Variants in RAB3GAP1 observed in about 807,000 individuals in gnomAD.
RAB3GAP1 encodes the protein rab3 GTPase-activating protein catalytic subunit.
A neutral mutation model predicts 130.7 loss-of-function variants in RAB3GAP1; 86 were observed. That is an observed-to-expected ratio of 0.66 (90% confidence interval 0.55 to 0.79). The LOEUF is 0.79. RAB3GAP1 is among the 30% of genes least tolerant of loss of function. The probability of loss-of-function intolerance (pLI) is 0.00; values close to 1 mark genes in which losing one functional copy is unlikely to be tolerated. For missense variants in RAB3GAP1, 1,029 were observed against 1,169.4 expected (o/e 0.88, Z 1.75); for synonymous variants, 367 against 401.7 (o/e 0.91, Z 1.03).
At chr2:135,128,173 G>A (rs999210639) in intron 11 of RAB3GAP1, among the ~76,000 whole-genome samples, 3 of 152,156 alleles carry the variant, frequency 2.0e-5, no homozygotes, top group Non-Finnish European at 4.4e-5. Context: ...ATATAATAGT[G>A]AATACAAAGA....
chr2:135,149,517 C>T (rs1348141060), intron 17 of RAB3GAP1, among the ~76,000 whole-genome samples: 3 of 152,150 alleles, frequency 2.0e-5, no homozygotes, highest in Non-Finnish European at 4.4e-5. Context: ...TACAATACTA[C>T]ATTACAGGTT....
At chr2:135,064,216 G>A (rs1689254728) in intron 3 of RAB3GAP1, among the ~76,000 whole-genome samples, 1 of 151,886 alleles carries the variant, frequency 6.6e-6, no homozygotes, top group Non-Finnish European at 1.5e-5. Context: ...TATTGATATT[G>A]GATAAATTTT....
chr2:135,118,831 A>G (rs1400590354), intron 7 of RAB3GAP1, among the ~76,000 whole-genome samples: 2 of 152,006 alleles, frequency 1.3e-5, no homozygotes, highest in African/African-American at 4.8e-5. Context: ...CCCTCACACA[A>G]TAACCTCCAG....
chr2:135,079,452 C>T (rs1689723183), intron 3 of RAB3GAP1, among the ~76,000 whole-genome samples: 1 of 152,180 alleles, frequency 6.6e-6, no homozygotes, highest in Non-Finnish European at 1.5e-5. Context: ...AATGGCTTTC[C>T]ATTGCCTACA....
At chr2:135,126,490 C>T (rs2104936532) in intron 10 of RAB3GAP1, 93 bp from the exon 11 acceptor site, 1 of 1,227,510 alleles carries the variant, frequency 8.1e-7, no homozygotes, top group Non-Finnish European at 1.2e-6. Flanking sequence ...ATTGCTTGTC[C>T]TTCTATGTTT....
intron 18 of RAB3GAP1, 57 bp downstream of exon 18, chr2:135,150,563 G>A (rs547867634): frequency 1.9e-6 from 3 of 1,606,762 alleles, no homozygotes; most frequent in East Asian, 2.2e-5. Flanking sequence ...GGATGAAACT[G>A]TGAAAATCAC....
At chr2:135,068,264 T>G (rs915996336) in intron 3 of RAB3GAP1, among the ~76,000 whole-genome samples, 3 of 152,198 alleles carry the variant, frequency 2.0e-5, no homozygotes, top group Non-Finnish European at 2.9e-5. Flanking sequence ...AGTATCTTTT[T>G]AGACATTTTT....
chr2:135,060,349 T>G (rs889196596), intron 3 of RAB3GAP1, among the ~76,000 whole-genome samples: 1 of 142,014 alleles, frequency 7.0e-6, no homozygotes, highest in Non-Finnish European at 1.5e-5. Flanking sequence ...AACCTCCACC[T>G]CCCGGGTTCA....
intron 5 of RAB3GAP1, among the ~76,000 whole-genome samples, chr2:135,096,537 G>A (rs755379491): frequency 6.6e-5 from 10 of 151,928 alleles, no homozygotes; most frequent in Non-Finnish European, 1.0e-4. Context: ...TCCACATTCC[G>A]TTCTGGCCTT....
At chr2:135,081,353 TATATATATAC>T (rs1360204631) in intron 3 of RAB3GAP1, among the ~76,000 whole-genome samples, 5 of 91,144 alleles carry the variant, frequency 5.5e-5, no homozygotes, top group South Asian at 5.2e-4. Context: ...TATATATATA[TATATATATAC>T]ACACACGTGT....
At chr2:135,128,510 A>G (rs1691419938) in intron 11 of RAB3GAP1, among the ~76,000 whole-genome samples, 1 of 152,208 alleles carries the variant, frequency 6.6e-6, no homozygotes, top group Admixed American at 6.5e-5. Context: ...ATTACTACAT[A>G]TTATGTTTAC....
At chr2:135,107,324 TAAAA>T (rs1442248226) in intron 5 of RAB3GAP1, among the ~76,000 whole-genome samples, 1 of 152,034 alleles carries the variant, frequency 6.6e-6, no homozygotes, top group Non-Finnish European at 1.5e-5. Context: ...TCTCATAATT[TAAAA>T]AAAGCGTAAG....
intron 17 of RAB3GAP1, among the ~76,000 whole-genome samples, chr2:135,140,186 A>C (rs72978387): frequency 0.044 from 6,770 of 152,248 alleles, 511 homozygotes; most frequent in African/African-American, 0.16. Context: ...GGCTAATATG[A>C]ATAAAGCTGC....
intron 5 of RAB3GAP1, among the ~76,000 whole-genome samples, chr2:135,103,035 A>ATTTTTTTTT (rs539310402): frequency 0.03 from 2,719 of 90,846 alleles, 432 homozygotes; most frequent in African/African-American, 0.12. Context: ...CATTTTTGTG[A>ATTTTTTTTT]TTTTTTTTTT....
chr2:135,105,236 C>CCCCCTT (rs1690563254), intron 5 of RAB3GAP1, among the ~76,000 whole-genome samples: 1 of 121,250 alleles, frequency 8.2e-6, no homozygotes, highest in Non-Finnish European at 1.7e-5. Flanking sequence ...CCTCCCGCTC[C>CCCCCTT]CCCCTTCCCC....
Position 135,168,576 on chromosome 2 carries a change from T to C in RAB3GAP1, c.2741T>C (p.Leu914Ser). 6.2e-7 allele frequency: 1 copy of C among 1,614,180 alleles called. No homozygotes were observed. The highest frequency in any genetic ancestry group is 8.5e-7 in the Non-Finnish European group (1 of 1,180,030). Residue 914 changes from leucine (L) to serine (S), a missense_variant, in exon 24 of 24, where the codon TTG (leucine) becomes TCG (serine). Physicochemically the swap from Leu to Ser is moderately radical, Grantham distance 145. Coordinates refer to ENST00000264158, the MANE Select transcript of RAB3GAP1 (RefSeq NM_012233.3). The part of the protein sequence containing the change: ...AAAMTPPEEE[L>S]KRMGSPEERR... ...GCTATGACTCCACCAGAGGAGGAAT[T>C]GAAGAGAATGGGCTCCCCAGAGGAA...
intron 5 of RAB3GAP1, among the ~76,000 whole-genome samples, chr2:135,103,050 T>TTTTTTTC (rs1387875168): frequency 7.1e-6 from 1 of 141,118 alleles, no homozygotes; most frequent in East Asian, 2.1e-4. Flanking sequence ...TTTTTTTTTT[T>TTTTTTTC]TTTTTGAGAC....
chr2:135,070,779 A>AAG (rs1689449903), intron 3 of RAB3GAP1, among the ~76,000 whole-genome samples: 1 of 152,152 alleles, frequency 6.6e-6, no homozygotes. Flanking sequence ...AGCGTGAGCC[A>AAG]CCACGCCCGG....
chr2:135,147,750 T>C (rs567397083), intron 17 of RAB3GAP1, among the ~76,000 whole-genome samples: 1 of 151,814 alleles, frequency 6.6e-6, no homozygotes, highest in Non-Finnish European at 1.5e-5. Context: ...GTAGCTAGAA[T>C]TATTGGCGCC....
Sources: allele counts gnomAD v4.1 joint callset (sites outside exome capture counted in the v4.1 genomes callset), GRCh38; gene constraint gnomAD v4.1.1; transcripts MANE v1.5; gene names NCBI Gene and HGNC (gene_info 2026-07-23, HGNC 2026-07-21).